The following ARMC9 variants were observed in gnomAD, a reference collection of about 807,000 sequenced individuals.
The protein encoded by ARMC9 is lisH domain-containing protein ARMC9.
Under a neutral mutation model 107.0 loss-of-function variants are expected in ARMC9, and 94 were observed. The ratio of observed to expected loss-of-function variants is 0.88; its 90% confidence interval spans 0.74 to 1.04. The LOEUF is 1.04. Among genes scored for constraint, ARMC9 ranks in the 50% least tolerant of loss-of-function variants. The probability of loss-of-function intolerance (pLI) is 0.00; values close to 1 mark genes in which losing one functional copy is unlikely to be tolerated. For missense variants in ARMC9, 942 were observed against 1,030.1 expected (o/e 0.91, Z 1.17); for synonymous variants, 380 against 396.9 (o/e 0.96, Z 0.51).
At chr2:231,224,234 C>T (rs1260022959) in intron 6 of ARMC9, among the ~76,000 whole-genome samples, 1 of 152,156 alleles carries the variant, frequency 6.6e-6, no homozygotes, top group Non-Finnish European at 1.5e-5. Flanking sequence ...ATCACTTGAG[C>T]CCAGGAGTTT....
rs1389106840 is a variant in ARMC9, at chr2:231,369,837, G to T, written c.2262-116G>T. The T allele has an allele frequency of 3.6e-6, 4 of 1,107,682 alleles. No homozygotes were observed. In the East Asian group the frequency reaches 9.3e-5, roughly 26 times the overall value. The allele number at this position is 1,107,682 out of a possible 1,614,324, so 68.6% of individuals were successfully genotyped here. A position where few individuals can be genotyped will look rare whatever the true frequency, so the allele number is the denominator to read the frequency against. On this transcript the variant is annotated intron_variant, in intron 23 of 24. Coordinates refer to ENST00000611582, the MANE Select transcript of ARMC9 (RefSeq NM_001352754.2). ...TCTAACTCCTGACTTCAGGTGATTT[G>T]TCCGCCTTGGCCTCTCAGAGTGCTG...
At chr2:231,256,280 G>C (rs1176355938) in intron 9 of ARMC9, 3 of 1,553,916 alleles carry the variant, frequency 1.9e-6, no homozygotes, top group Non-Finnish European at 1.7e-6. Flanking sequence ...TTTGGAGTCA[G>C]AGCGAGAAGC....
At chr2:231,270,950 A>C (rs768183440) in intron 12 of ARMC9, 32 bp from the exon 13 acceptor site, 59 of 1,600,514 alleles carry the variant, frequency 3.7e-5, no homozygotes, top group Non-Finnish European at 4.8e-5. Flanking sequence ...CGTGTTCTTA[A>C]CCTTGTTTTT....
At chr2:231,239,219 A>T (rs1574738048) in intron 8 of ARMC9, among the ~76,000 whole-genome samples, 1 of 152,176 alleles carries the variant, frequency 6.6e-6, no homozygotes, top group Admixed American at 6.6e-5. Flanking sequence ...TTATTTTTTT[A>T]AAAAGAAAAT....
chr2:231,345,241 A>G, intron 21 of ARMC9, 151 bp downstream of exon 21: 2 of 1,399,534 alleles, frequency 1.4e-6, no homozygotes, highest in Non-Finnish European at 1.9e-6. Context: ...GGAGGGAAAG[A>G]GGTTGAGTCC....
Position 231,214,927 on chromosome 2 carries a change from T to A in ARMC9, c.274T>A (p.Phe92Ile). 1 of 1,614,194 alleles carries A rather than the reference T, an allele frequency of 6.2e-7. No homozygotes were observed. Among genetic ancestry groups the A allele is most frequent in the Non-Finnish European group, 8.5e-7 (1 of 1,180,026 alleles). The change falls in exon 4 of 25, where the codon TTT becomes ATT. Residue 92 changes from phenylalanine (F) to isoleucine (I), a missense_variant. Phe to Ile is a conservative substitution (Grantham distance 21). Transcript: ENST00000611582. The stretch of plus-strand genomic sequence containing the variant: ...AAGTTCCATCCGAGATGGGGACTCC[T>A]TTGCCCAGAAGCTGGAATTCTATCT... ...ISSSIRDGDS[F>I]AQKLEFYLHI... is the part of the protein sequence containing the mutation.
rs1485903412 is a variant in ARMC9 at position 231,255,215 on chromosome 2, AC to A, written c.880-1370del. Among the ~76,000 whole-genome samples, 5 of 150,660 alleles carry A rather than the reference AC, an allele frequency of 3.3e-5. No homozygotes were observed. Among genetic ancestry groups the A allele is most frequent in the African/African-American group, 1.2e-4 (5 of 40,488 alleles). ...CACACACACACACACACACACACACACACACAAAATAAATGGGACAAGAATC... is the reference window on the plus strand; with the variant it reads ...CACACACACACACACACACACACACAACACAAAATAAATGGGACAAGAATC... On this transcript the variant is annotated intron_variant, in intron 9 of 24. Transcript: ENST00000611582. This position sits in a 1 kb window ranked among gnomAD's most constrained non-coding sequence, Gnocchi z 4.7.
chr2:231,225,154 A>G (rs896950463), intron 6 of ARMC9, among the ~76,000 whole-genome samples: 14 of 152,270 alleles, frequency 9.2e-5, no homozygotes, highest in African/African-American at 2.7e-4. Context: ...TAATACAGAC[A>G]TACACCCAAA....
Position 231,206,197 on chromosome 2 carries a change from G to C in ARMC9, c.-41-1G>C. ...TGTTGTCTTGTATTTTTGCCTTCTAGAGATTTTTGCTGTGAGAATTAATTA... is the reference window on the plus strand; with the variant it reads ...TGTTGTCTTGTATTTTTGCCTTCTACAGATTTTTGCTGTGAGAATTAATTA... On this transcript the variant is annotated splice_acceptor_variant, in intron 1 of 24. Transcript: ENST00000611582. LOFTEE classifies it low-confidence loss of function (5UTR_SPLICE). 1 of 1,578,478 alleles carries C rather than the reference G, an allele frequency of 6.3e-7. No individual in the cohort carries two copies. The highest frequency in any genetic ancestry group is 1.1e-5 in the South Asian group (1 of 89,936).
intron 23 of ARMC9, among the ~76,000 whole-genome samples, chr2:231,364,661 G>A (rs548797719): frequency 2.0e-5 from 3 of 152,130 alleles, no homozygotes; most frequent in Admixed American, 2.0e-4. Context: ...AGCCGGGCAT[G>A]GTGGTGCATG....
At chr2:231,343,405 GTTTTTTA>G (rs1342999596) in intron 20 of ARMC9, among the ~76,000 whole-genome samples, 1 of 151,388 alleles carries the variant, frequency 6.6e-6, no homozygotes, top group African/African-American at 2.4e-5. Context: ...TTGGTTTTTT[GTTTTTTA>G]TTTTATTTAC....
intron 10 of ARMC9, among the ~76,000 whole-genome samples, chr2:231,258,001 T>C (rs1228289996): frequency 6.6e-6 from 1 of 152,080 alleles, no homozygotes; most frequent in African/African-American, 2.4e-5. Context: ...CTGAGCTGTG[T>C]GGATCTCCAA....
chr2:231,273,566 A>C (rs1366630769), intron 14 of ARMC9, among the ~76,000 whole-genome samples: 2 of 152,034 alleles, frequency 1.3e-5, no homozygotes, highest in Non-Finnish European at 2.9e-5. Context: ...ACTTGGAACC[A>C]ATGGGGCCAG....
At chr2:231,222,931 A>G in intron 6 of ARMC9, 111 bp downstream of exon 6, 1 of 628,324 alleles carries the variant, frequency 1.6e-6, no homozygotes, top group Non-Finnish European at 2.7e-6. Flanking sequence ...GGGATAATTA[A>G]TAGTGTTGCT....
intron 12 of ARMC9, among the ~76,000 whole-genome samples, chr2:231,266,317 T>A (rs765876255): frequency 2.8e-4 from 43 of 152,258 alleles, no homozygotes; most frequent in Non-Finnish European, 5.7e-4. Flanking sequence ...CTAATACTGC[T>A]GGTCCAGGAT....
intron 1 of ARMC9, among the ~76,000 whole-genome samples, chr2:231,205,468 G>A (rs1218595339): frequency 6.6e-6 from 1 of 152,196 alleles, no homozygotes; most frequent in Non-Finnish European, 1.5e-5. Flanking sequence ...GCCAGTGAAT[G>A]GCATGGTTAA....
At position 231,296,214 on chromosome 2, in the gene ARMC9, T is replaced by C. The variant is rs749138182; in HGVS notation, c.1734T>C (p.Gly578=). The C allele has an allele frequency of 6.2e-7, 1 of 1,613,522 alleles. No homozygotes were observed. The highest frequency in any genetic ancestry group is 8.5e-7 in the Non-Finnish European group (1 of 1,179,636). Residue 578 remains glycine, a synonymous_variant, in exon 19 of 25, where the codon GGT becomes GGC. Coordinates refer to ENST00000611582, the MANE Select transcript of ARMC9 (RefSeq NM_001352754.2). ...KQLNSEELPD[G]VLESDDDEDE... The stretch of plus-strand genomic sequence containing the variant: ...TCTTTATAGAAGAGCTACCAGATGG[T>C]GTTCTTGAATCTGATGATGATGAAG...
intron 20 of ARMC9, among the ~76,000 whole-genome samples, chr2:231,342,072 C>T (rs1299093678): frequency 1.3e-5 from 2 of 152,196 alleles, no homozygotes; most frequent in Non-Finnish European, 2.9e-5. Flanking sequence ...GATCCTTCAG[C>T]CCACAAAGGC....
Position 231,216,626 on chromosome 2 carries a change from C to T in ARMC9, c.349-12C>T. 3.1e-6 allele frequency: 5 copies of T among 1,611,580 alleles called. No individual in the cohort carries two copies. The highest frequency in any genetic ancestry group is 4.2e-6 in the Non-Finnish European group (5 of 1,178,930). ...TCTGGAGACCTCAAACAAGTGTTTT[C>T]CCTTCTTCTAGGACAAAGAGGAGCT... On this transcript the variant is annotated splice_polypyrimidine_tract_variant and intron_variant, in intron 4 of 24. Transcript: ENST00000611582.
Sources: gnomAD v4.1 joint callset for allele counts (sites outside exome capture counted in the v4.1 genomes callset) on GRCh38, gnomAD v4.1.1 for gene constraint, Gnocchi (gnomAD v3.1) non-coding constraint, MANE v1.5 for transcripts, NCBI Gene and HGNC (gene_info 2026-07-23, HGNC 2026-07-21) for gene names.